The following HS6ST3 variants were observed in gnomAD, a reference collection of about 807,000 sequenced individuals.
The protein encoded by HS6ST3 is heparan sulfate 6-O-sulfotransferase 3, also known as heparan-sulfate 6-O-sulfotransferase 3.
Under a neutral mutation model 36.7 loss-of-function variants are expected in HS6ST3, and 12 were observed. That is an observed-to-expected ratio of 0.33 (90% CI 0.21 to 0.53). The LOEUF is 0.53. Ranked by LOEUF, HS6ST3 falls within the 20% of genes least tolerant of loss-of-function variation. HS6ST3 has a pLI of 0.95. For missense variants in HS6ST3, 584 were observed against 640.9 expected (o/e 0.91, Z 0.96); for synonymous variants, 240 against 257.5 (o/e 0.93, Z 0.65).
At chr13:96,271,328 A>G (rs2054718924) in intron 1 of HS6ST3, among the ~76,000 whole-genome samples, 1 of 151,976 alleles carries the variant, frequency 6.6e-6, no homozygotes. Context: ...AGTTTCTCAT[A>G]TAATTAATTT....
intron 1 of HS6ST3, among the ~76,000 whole-genome samples, chr13:96,266,966 T>C (rs754530228): frequency 6.6e-6 from 1 of 152,246 alleles, no homozygotes; most frequent in Non-Finnish European, 1.5e-5. Flanking sequence ...AAATCTCATC[T>C]TGAATTGTGG....
chr13:96,287,925 C>T (rs2054811408), intron 1 of HS6ST3, among the ~76,000 whole-genome samples: 1 of 152,126 alleles, frequency 6.6e-6, no homozygotes, highest in African/African-American at 2.4e-5. Context: ...TGGTTATCTC[C>T]ATTTTGCAGA....
intron 1 of HS6ST3, among the ~76,000 whole-genome samples, chr13:96,361,233 A>G (rs1163856156): frequency 2.0e-5 from 3 of 152,182 alleles, no homozygotes; most frequent in Non-Finnish European, 4.4e-5. Context: ...CCAGGCTAAC[A>G]GTAACTGACA....
At chr13:96,133,279 C>T (rs575230440) in intron 1 of HS6ST3, among the ~76,000 whole-genome samples, 1 of 152,118 alleles carries the variant, frequency 6.6e-6, no homozygotes, top group Non-Finnish European at 1.5e-5. Flanking sequence ...AGGTGCCCAC[C>T]ACCATGCCTG....
intron 1 of HS6ST3, among the ~76,000 whole-genome samples, chr13:96,578,946 A>C (rs559106350): frequency 1.1e-4 from 17 of 152,286 alleles, no homozygotes; most frequent in African/African-American, 4.1e-4. Flanking sequence ...GAGCTAGGAC[A>C]TTCTCTGTAA....
intron 1 of HS6ST3, among the ~76,000 whole-genome samples, chr13:96,708,166 G>C (rs1875474268): frequency 6.6e-6 from 1 of 152,188 alleles, no homozygotes; most frequent in African/African-American, 2.4e-5. Flanking sequence ...AATCATTATG[G>C]GACTCTGGTT....
chr13:96,208,111 A>G (rs1187377344), intron 1 of HS6ST3, among the ~76,000 whole-genome samples: 5 of 152,202 alleles, frequency 3.3e-5, no homozygotes, highest in East Asian at 1.9e-4. Flanking sequence ...CAAAAAATAC[A>G]TATTACCATT....
chr13:96,602,483 A>G (rs2056425100), intron 1 of HS6ST3, among the ~76,000 whole-genome samples: 2 of 152,178 alleles, frequency 1.3e-5, no homozygotes, highest in African/African-American at 4.8e-5. Flanking sequence ...GAGGCCTTCT[A>G]TAGCAGGTGT....
chr13:96,821,449 A>G (rs1346456877), intron 1 of HS6ST3, among the ~76,000 whole-genome samples: 3 of 152,240 alleles, frequency 2.0e-5, no homozygotes, highest in Admixed American at 6.5e-5. Flanking sequence ...TGCCAAAACT[A>G]TTATCACTCT....
At chr13:96,184,221 A>AAAAGAGAGAGAG (rs1555389928) in intron 1 of HS6ST3, among the ~76,000 whole-genome samples, 7 of 61,004 alleles carry the variant, frequency 1.1e-4, no homozygotes, top group African/African-American at 4.4e-4. Context: ...AAAAAAAAAA[A>AAAAGAGAGAGAG]AGAGAGAGAG....
At chr13:96,503,976 A>G (rs2056015915) in intron 1 of HS6ST3, among the ~76,000 whole-genome samples, 1 of 152,144 alleles carries the variant, frequency 6.6e-6, no homozygotes, top group African/African-American at 2.4e-5. Flanking sequence ...GTGAAGACTA[A>G]GCGAGAAGCA....
intron 1 of HS6ST3, among the ~76,000 whole-genome samples, chr13:96,631,678 G>A (rs1233844466): frequency 6.6e-6 from 1 of 152,174 alleles, no homozygotes; most frequent in African/African-American, 2.4e-5. Flanking sequence ...CTCAGTACAT[G>A]ATGACTGTAT....
chr13:96,740,746 G>A (rs1459714048), intron 1 of HS6ST3, among the ~76,000 whole-genome samples: 2 of 152,126 alleles, frequency 1.3e-5, no homozygotes, highest in Non-Finnish European at 2.9e-5. Context: ...TGTTGAGGAA[G>A]GTAGTGCTCC....
intron 1 of HS6ST3, among the ~76,000 whole-genome samples, chr13:96,614,248 A>C (rs545311173): frequency 7.5e-6 from 1 of 134,108 alleles, no homozygotes; most frequent in African/African-American, 2.8e-5. Context: ...CAGTGAGCTG[A>C]GATCGCACCA....
chr13:96,282,243 G>C (rs1048428649), intron 1 of HS6ST3, among the ~76,000 whole-genome samples: 1 of 152,132 alleles, frequency 6.6e-6, no homozygotes, highest in African/African-American at 2.4e-5. Context: ...TTCTGGAGTC[G>C]GTATCCCATG....
At chr13:96,182,161 TA>T (rs1468535713) in intron 1 of HS6ST3, among the ~76,000 whole-genome samples, 2 of 152,238 alleles carry the variant, frequency 1.3e-5, no homozygotes, top group African/African-American at 4.8e-5. Flanking sequence ...GCTGTTCATA[TA>T]AAACATTCCC....
intron 1 of HS6ST3, among the ~76,000 whole-genome samples, chr13:96,737,073 A>G (rs1169533367): frequency 6.6e-6 from 1 of 152,190 alleles, no homozygotes; most frequent in Non-Finnish European, 1.5e-5. Flanking sequence ...AAATAGAAAA[A>G]TTATACAGCT....
chr13:96,630,120 T>C (rs2056526980), intron 1 of HS6ST3, among the ~76,000 whole-genome samples: 1 of 152,230 alleles, frequency 6.6e-6, no homozygotes, highest in South Asian at 2.1e-4. Flanking sequence ...ATTTTTTTCA[T>C]ATTTCCAAGA....
intron 1 of HS6ST3, among the ~76,000 whole-genome samples, chr13:96,511,250 A>AT (rs1361519138): frequency 1.2e-4 from 18 of 152,068 alleles, no homozygotes; most frequent in Non-Finnish European, 2.1e-4. Flanking sequence ...CTGAGTGAAA[A>AT]TTTTTTTTAG....
Sources: allele counts gnomAD v4.1 joint callset (sites outside exome capture counted in the v4.1 genomes callset), GRCh38; gene constraint gnomAD v4.1.1; transcripts MANE v1.5; gene names NCBI Gene and HGNC (gene_info 2026-07-23, HGNC 2026-07-21).